Variants in ARFGEF3 observed in about 807,000 individuals in gnomAD.
ARFGEF3 encodes brefeldin A-inhibited guanine nucleotide-exchange protein 3.
A neutral mutation model predicts 221.7 loss-of-function variants in ARFGEF3; 96 were observed. The ratio of observed to expected loss-of-function variants is 0.43; its 90% confidence interval spans 0.37 to 0.51. The LOEUF (loss-of-function observed/expected upper bound fraction) is 0.51, where lower values mean the gene tolerates loss of function less well. Ranked by LOEUF, ARFGEF3 falls within the 20% of genes least tolerant of loss-of-function variation. The pLI is 0.00. For synonymous variants in ARFGEF3, 1,145 were observed against 1,126.8 expected, an observed-to-expected ratio of 1.02 and a Z score of -0.32; for missense variants, 2,410 against 2,789.9, an observed-to-expected ratio of 0.86 and a Z score of 3.07.
At chr6:138,301,567 T>C (rs937769885) in intron 22 of ARFGEF3, among the ~76,000 whole-genome samples, 4 of 152,130 alleles carry the variant, frequency 2.6e-5, no homozygotes, top group Non-Finnish European at 5.9e-5. Flanking sequence ...AAGTTTGTAG[T>C]GAGTAGTGTA....
intron 7 of ARFGEF3, among the ~76,000 whole-genome samples, chr6:138,244,275 T>A (rs983158801): frequency 6.6e-6 from 1 of 152,268 alleles, no homozygotes; most frequent in Admixed American, 6.5e-5. Flanking sequence ...TTACTTTCTC[T>A]CTTACACATT....
chr6:138,335,219 G>C (rs1385286764), intron 33 of ARFGEF3, 31 bp downstream of exon 33: 15 of 1,497,772 alleles, frequency 1.0e-5, no homozygotes, highest in Non-Finnish European at 1.2e-5. Flanking sequence ...CAGGTGGGCG[G>C]GAGGCTGGGT....
chr6:138,227,306 C>T (rs558670723), intron 4 of ARFGEF3, among the ~76,000 whole-genome samples: 14 of 152,266 alleles, frequency 9.2e-5, no homozygotes, highest in Admixed American at 6.5e-4. Context: ...AACACCCTTA[C>T]GAAGACCTCA....
chr6:138,232,278 A>G (rs535375676), intron 5 of ARFGEF3, among the ~76,000 whole-genome samples: 10 of 152,314 alleles, frequency 6.6e-5, no homozygotes, highest in African/African-American at 1.9e-4. Context: ...AGGCCGAGAC[A>G]GGCGGATCAC....
At chr6:138,295,839 G>A (rs946282186) in intron 20 of ARFGEF3, among the ~76,000 whole-genome samples, 1 of 152,174 alleles carries the variant, frequency 6.6e-6, no homozygotes, top group Non-Finnish European at 1.5e-5. Context: ...CATGTGATAG[G>A]TCACACTGGA....
At chr6:138,325,375 G>A (rs1583068433) in intron 31 of ARFGEF3, among the ~76,000 whole-genome samples, 1 of 152,218 alleles carries the variant, frequency 6.6e-6, no homozygotes, top group African/African-American at 2.4e-5. Flanking sequence ...TCCTGAGGTA[G>A]TGGGACAAGA....
intron 8 of ARFGEF3, 71 bp from the exon 9 acceptor site, chr6:138,253,809 T>C: frequency 8.0e-7 from 1 of 1,243,658 alleles, no homozygotes; most frequent in African/African-American, 1.5e-5. Flanking sequence ...TCCGAGCGTG[T>C]TTCCACACAT....
chr6:138,278,678 C>G (rs1779143880), intron 13 of ARFGEF3, 61 bp downstream of exon 13: 3 of 1,570,624 alleles, frequency 1.9e-6, no homozygotes, highest in Non-Finnish European at 2.6e-6. Flanking sequence ...TGGTGTACAG[C>G]CTAGCCTCAG....
intron 5 of ARFGEF3, among the ~76,000 whole-genome samples, 187 bp downstream of exon 5, chr6:138,230,039 G>A (rs1194097636): frequency 6.6e-6 from 1 of 152,112 alleles, no homozygotes; most frequent in East Asian, 1.9e-4. Flanking sequence ...TAGTTGTAAT[G>A]CCATGTGTCT....
intron 32 of ARFGEF3, among the ~76,000 whole-genome samples, chr6:138,333,684 C>T (rs191745952): frequency 1.7e-4 from 26 of 152,166 alleles, no homozygotes; most frequent in African/African-American, 5.8e-4. Context: ...CCTCGTGATC[C>T]GCCCACCTCG....
chr6:138,241,186 G>T (rs993996536), intron 6 of ARFGEF3, among the ~76,000 whole-genome samples: 2 of 152,136 alleles, frequency 1.3e-5, no homozygotes, highest in Non-Finnish European at 2.9e-5. Context: ...TGTAACTTTA[G>T]ATCCGCAATC....
chr6:138,189,101 A>G (rs868492911), intron 2 of ARFGEF3, among the ~76,000 whole-genome samples: 1 of 152,202 alleles, frequency 6.6e-6, no homozygotes, highest in Non-Finnish European at 1.5e-5. Flanking sequence ...TTCGATGCCT[A>G]TGGAGAAGGT....
intron 10 of ARFGEF3, among the ~76,000 whole-genome samples, chr6:138,259,323 TG>T (rs1778744710): frequency 6.6e-6 from 1 of 152,270 alleles, no homozygotes; most frequent in Non-Finnish European, 1.5e-5. Flanking sequence ...ACTGTGTGCC[TG>T]TTGATCAAGG....
intron 5 of ARFGEF3, among the ~76,000 whole-genome samples, chr6:138,232,766 A>G (rs1369749189): frequency 6.6e-6 from 1 of 152,328 alleles, no homozygotes; most frequent in East Asian, 1.9e-4. Context: ...TGCCTAAGGC[A>G]TGGCAATAAG....
Position 138,190,418 on chromosome 6 carries a change from T to C in ARFGEF3, c.138-16624T>C, listed in dbSNP as rs77814474. ...GTCAAGTGGATATGAGCCGAGCATGTGTTTGATGAGCAGCGTGTGATTCTG... is the reference window on the plus strand; with the variant it reads ...GTCAAGTGGATATGAGCCGAGCATGCGTTTGATGAGCAGCGTGTGATTCTG... On this transcript the variant is annotated intron_variant, in intron 2 of 33. Transcript: ENST00000251691. 5.9e-3 allele frequency among the ~76,000 whole-genome samples: 895 copies of C among 152,132 alleles called. 7 individuals are homozygous for C. Among genetic ancestry groups the C allele is most frequent in the Non-Finnish European group, 8.3e-3 (562 of 68,004 alleles).
chr6:138,194,005 G>A (rs1777362143), intron 2 of ARFGEF3, among the ~76,000 whole-genome samples: 2 of 152,140 alleles, frequency 1.3e-5, no homozygotes, highest in African/African-American at 2.4e-5. Context: ...CGGACGCGGT[G>A]GCTCACGCCT....
chr6:138,195,184 A>G (rs1280447638), intron 2 of ARFGEF3, among the ~76,000 whole-genome samples: 1 of 151,316 alleles, frequency 6.6e-6, no homozygotes, highest in East Asian at 1.9e-4. Flanking sequence ...TGTATTTTTT[A>G]GTAGAGATGG....
In ARFGEF3 at chr6:138,319,897, G is replaced by A. The variant is rs1392183187; in HGVS notation, c.4651+18G>A. On this transcript the variant is annotated intron_variant, in intron 28 of 33. Coordinates refer to ENST00000251691, the MANE Select transcript of ARFGEF3 (RefSeq NM_020340.5). ...ACATTCAGGTATCTGAAGTGCCAGA[G>A]CAGTTCATTCTGGGTATTTCTTTGG... The A allele has an allele frequency of 6.2e-7, 1 of 1,611,312 alleles. No individual in the cohort carries two copies. Among genetic ancestry groups the A allele is most frequent in the Non-Finnish European group, 8.5e-7 (1 of 1,178,216 alleles).
At chr6:138,189,364 A>C (rs1194245353) in intron 2 of ARFGEF3, among the ~76,000 whole-genome samples, 1 of 152,228 alleles carries the variant, frequency 6.6e-6, no homozygotes, top group Non-Finnish European at 1.5e-5. Flanking sequence ...CGACATCCCT[A>C]CTTTATAGAG....
Sources: allele counts gnomAD v4.1 joint callset (sites outside exome capture counted in the v4.1 genomes callset), GRCh38; gene constraint gnomAD v4.1.1; transcripts MANE v1.5; gene names NCBI Gene and HGNC (gene_info 2026-07-23, HGNC 2026-07-21).